The following CDH13 variants were observed in gnomAD, a reference collection of about 807,000 sequenced individuals.
CDH13 encodes cadherin 13, also known as cadherin-13.
Under a neutral mutation model 63.8 loss-of-function variants are expected in CDH13, and 24 were observed. That is an observed-to-expected ratio of 0.38 (90% CI 0.27 to 0.53). The LOEUF (loss-of-function observed/expected upper bound fraction) is 0.53, where lower values mean the gene tolerates loss of function less well. Ranked by LOEUF, CDH13 falls within the 20% of genes least tolerant of loss-of-function variation. CDH13 has a pLI of 0.85. For missense variants in CDH13, 1,049 were observed against 903.1 expected, an observed-to-expected ratio of 1.16 and a Z score of -2.07; for synonymous variants, 503 against 355.3, an observed-to-expected ratio of 1.42 and a Z score of -4.67.
At chr16:83,215,689 A>T (rs1261275226) in intron 4 of CDH13, among the ~76,000 whole-genome samples, 1 of 151,722 alleles carries the variant, frequency 6.6e-6, no homozygotes, top group Non-Finnish European at 1.5e-5. Flanking sequence ...TGATTAGGAG[A>T]GGGCAGGTTT....
rs150020997 is a variant in CDH13 at position 83,035,163 on chromosome 16, T to C, written c.366+2945T>C. Among the ~76,000 whole-genome samples, 1,202 of 152,220 alleles carry C rather than the reference T, an allele frequency of 7.9e-3. 13 individuals carry two copies. Among genetic ancestry groups the C allele is most frequent in the African/African-American group, 0.027 (1,134 of 41,534 alleles). On this transcript the variant is annotated intron_variant, in intron 3 of 13. Coordinates refer to ENST00000567109, the MANE Select transcript of CDH13 (RefSeq NM_001257.5). Reference sequence around the variant, plus strand: ...AAAGAATCCCTCTGAAGAGAGCACATACCTCAATGGATATGCACGTGGTAT... The same window carrying C: ...AAAGAATCCCTCTGAAGAGAGCACACACCTCAATGGATATGCACGTGGTAT...
At chr16:82,917,040 A>T (rs1567659566) in intron 2 of CDH13, among the ~76,000 whole-genome samples, 1 of 152,258 alleles carries the variant, frequency 6.6e-6, no homozygotes, top group Non-Finnish European at 1.5e-5. Context: ...AAGGAGGCAA[A>T]TAAAAGGGCA....
intron 10 of CDH13, among the ~76,000 whole-genome samples, chr16:83,711,366 A>C (rs1049248139): frequency 3.3e-5 from 5 of 152,148 alleles, no homozygotes. Context: ...CATAGTAGGA[A>C]TTGGTTTATC....
intron 11 of CDH13, among the ~76,000 whole-genome samples, chr16:83,753,545 C>CA (rs998347338): frequency 3.3e-5 from 5 of 150,344 alleles, no homozygotes; most frequent in South Asian, 2.1e-4. Context: ...GACCCCGTCT[C>CA]AAAAAAAAAG....
intron 6 of CDH13, among the ~76,000 whole-genome samples, chr16:83,481,521 G>T (rs1181033573): frequency 1.3e-5 from 2 of 152,310 alleles, no homozygotes; most frequent in South Asian, 2.1e-4. Context: ...AAACCAGGCG[G>T]CACTTGCTTT....
chr16:82,850,296 T>C (rs1007096874), intron 1 of CDH13, among the ~76,000 whole-genome samples: 2 of 152,172 alleles, frequency 1.3e-5, no homozygotes, highest in African/African-American at 4.8e-5. Flanking sequence ...ATGGATGATT[T>C]TGAGAGGTTC....
intron 5 of CDH13, among the ~76,000 whole-genome samples, chr16:83,283,946 G>T (rs1215582585): frequency 6.6e-6 from 1 of 152,140 alleles, no homozygotes; most frequent in African/African-American, 2.4e-5. Flanking sequence ...CACATAGCAA[G>T]TTCTCAAAAA....
intron 3 of CDH13, among the ~76,000 whole-genome samples, chr16:83,042,984 A>C (rs1201459286): frequency 6.6e-6 from 1 of 152,230 alleles, no homozygotes; most frequent in East Asian, 1.9e-4. Context: ...AAGCCTCCCC[A>C]GGTACTGTTA....
intron 5 of CDH13, among the ~76,000 whole-genome samples, chr16:83,344,553 C>G (rs1052002961): frequency 9.9e-5 from 15 of 152,192 alleles, no homozygotes; most frequent in African/African-American, 3.4e-4. Flanking sequence ...AGAAATGATA[C>G]AAGCGTAATT....
chr16:83,091,492 A>G (rs2033909559), intron 3 of CDH13, among the ~76,000 whole-genome samples: 1 of 152,212 alleles, frequency 6.6e-6, no homozygotes, highest in African/African-American at 2.4e-5. Flanking sequence ...TAATTCTGAC[A>G]TTAATTTCAG....
chr16:83,724,114 G>A (rs1279161119), intron 10 of CDH13, among the ~76,000 whole-genome samples: 11 of 151,584 alleles, frequency 7.3e-5, no homozygotes, highest in Non-Finnish European at 1.6e-4. Context: ...TGAATGTATG[G>A]GTGAGTGATG....
chr16:82,922,683 G>C (rs1052407254), intron 2 of CDH13, among the ~76,000 whole-genome samples: 3 of 152,138 alleles, frequency 2.0e-5, no homozygotes, highest in African/African-American at 7.2e-5. Flanking sequence ...CTGAAAGTGA[G>C]AATTCTACTT....
At chr16:83,042,233 G>C (rs989881303) in intron 3 of CDH13, among the ~76,000 whole-genome samples, 3 of 152,204 alleles carry the variant, frequency 2.0e-5, no homozygotes, top group African/African-American at 4.8e-5. Context: ...AGAAGTGAGT[G>C]GCAGGTGAGC....
chr16:82,737,941 C>T (rs1216904902), intron 1 of CDH13, among the ~76,000 whole-genome samples: 6 of 152,170 alleles, frequency 3.9e-5, no homozygotes, highest in African/African-American at 1.4e-4. Context: ...TTTCCTTATG[C>T]CCCTCCAGTG....
chr16:83,683,388 C>G (rs1915560090), intron 10 of CDH13, among the ~76,000 whole-genome samples: 1 of 152,166 alleles, frequency 6.6e-6, no homozygotes, highest in Admixed American at 6.5e-5. Flanking sequence ...TCATCTCAGA[C>G]AAGGAAATCC....
intron 2 of CDH13, chr16:82,884,130 T>C (rs2040801833): frequency 2.2e-6 from 1 of 453,248 alleles, no homozygotes; most frequent in Admixed American, 2.4e-5. Context: ...ATTGAATGCA[T>C]GTCTGCATGC....
Position 83,795,078 on chromosome 16 carries a change from GA to G in CDH13, c.*59del, listed in dbSNP as rs11311412. On this transcript the variant is annotated 3_prime_UTR_variant, in exon 14 of 14. Coordinates refer to ENST00000567109, the MANE Select transcript of CDH13 (RefSeq NM_001257.5). ...GACTCCCAAGTTTCCATAGCAACAG[GA>G]AAAAAAAAAATCTATCCAAATCTGA... 0.077 allele frequency: 85,516 copies of G among 1,117,758 alleles called. 500 individuals carry two copies. The highest frequency in any genetic ancestry group is 0.12 in the African/African-American group (7,178 of 62,280). The allele number at this position is 1,117,758 out of a possible 1,614,324, so 69.2% of individuals were successfully genotyped here.
At chr16:83,559,924 A>C (rs2075672506) in intron 7 of CDH13, among the ~76,000 whole-genome samples, 1 of 152,194 alleles carries the variant, frequency 6.6e-6, no homozygotes, top group South Asian at 2.1e-4. Flanking sequence ...AGATTAAATC[A>C]GATCAAACAG....
intron 3 of CDH13, among the ~76,000 whole-genome samples, chr16:83,085,767 C>T (rs566765790): frequency 8.5e-5 from 13 of 152,244 alleles, no homozygotes; most frequent in African/African-American, 2.6e-4. Context: ...ATTTGGGAAA[C>T]GTTATTTTCT....
Sources: gnomAD v4.1 joint callset for allele counts (sites outside exome capture counted in the v4.1 genomes callset) on GRCh38, gnomAD v4.1.1 for gene constraint, MANE v1.5 for transcripts, NCBI Gene and HGNC (gene_info 2026-07-23, HGNC 2026-07-21) for gene names.